The following SPATS2 variants were observed in gnomAD, a reference collection of about 807,000 sequenced individuals.
The protein encoded by SPATS2 is spermatogenesis associated serine rich 2, also known as spermatogenesis-associated serine-rich protein 2.
In SPATS2, 38 loss-of-function variants were observed where a neutral mutation model predicts 63.7. The ratio of observed to expected loss-of-function variants is 0.60; its 90% CI spans 0.46 to 0.78. SPATS2 has a LOEUF of 0.78. Ranked by LOEUF, SPATS2 falls within the 30% of genes least tolerant of loss-of-function variation. SPATS2 has a pLI of 0.00. For missense variants in SPATS2, 588 were observed against 666.2 expected (o/e 0.88, Z 1.29); for synonymous variants, 207 against 232.9 (o/e 0.89, Z 1.01).
intron 3 of SPATS2, among the ~76,000 whole-genome samples, chr12:49,465,364 G>A (rs979005512): frequency 7.1e-6 from 1 of 140,568 alleles, no homozygotes; most frequent in Non-Finnish European, 1.5e-5. Flanking sequence ...GGTATGGTCA[G>A]TCTTTTTTTT....
At chr12:49,503,626 G>A (rs964756128) in intron 9 of SPATS2, among the ~76,000 whole-genome samples, 2 of 150,700 alleles carry the variant, frequency 1.3e-5, no homozygotes, top group Non-Finnish European at 1.5e-5. Flanking sequence ...TCCATCCTGG[G>A]CGACAGAGCA....
intron 10 of SPATS2, among the ~76,000 whole-genome samples, chr12:49,516,301 A>G (rs1411221085): frequency 6.7e-6 from 1 of 149,018 alleles, no homozygotes; most frequent in East Asian, 1.9e-4. Flanking sequence ...TCGAGGCTGC[A>G]GTGAGCTGTG....
chr12:49,481,942 A>G (rs144295762), intron 3 of SPATS2, among the ~76,000 whole-genome samples: 7 of 152,296 alleles, frequency 4.6e-5, no homozygotes, highest in East Asian at 1.9e-4. Context: ...TTTCTTACCA[A>G]TAGAATTAGG....
chr12:49,435,131 C>T (rs149834541), intron 2 of SPATS2, among the ~76,000 whole-genome samples: 276 of 150,142 alleles, frequency 1.8e-3, no homozygotes, highest in African/African-American at 6.6e-3. Context: ...CCCGGGTTCA[C>T]GCCATTCTCC....
At chr12:49,409,621 A>G (rs1271774504) in intron 2 of SPATS2, among the ~76,000 whole-genome samples, 1 of 76,626 alleles carries the variant, frequency 1.3e-5, no homozygotes, top group Non-Finnish European at 2.4e-5. Context: ...TTTTTTTTTC[A>G]GATGGAGTCT....
chr12:49,388,416 C>T (rs917423536), intron 2 of SPATS2, among the ~76,000 whole-genome samples: 41 of 151,744 alleles, frequency 2.7e-4, no homozygotes, highest in Admixed American at 1.7e-3. Flanking sequence ...CTCTGTCACC[C>T]TGGCTGGAGT....
At chr12:49,398,054 T>C (rs1328024698) in intron 2 of SPATS2, among the ~76,000 whole-genome samples, 1 of 143,916 alleles carries the variant, frequency 6.9e-6, no homozygotes, top group Non-Finnish European at 1.5e-5. Flanking sequence ...GGTGTGAGGA[T>C]TGCTTGGGCC....
chr12:49,424,789 C>G (rs2137440027), intron 2 of SPATS2, among the ~76,000 whole-genome samples: 1 of 152,286 alleles, frequency 6.6e-6, no homozygotes. Context: ...AAGTGATTCT[C>G]CTGCCTCAGC....
intron 2 of SPATS2, among the ~76,000 whole-genome samples, chr12:49,376,653 T>A (rs1465800324): frequency 6.6e-6 from 1 of 151,338 alleles, no homozygotes; most frequent in Non-Finnish European, 1.5e-5. Context: ...GGCTTTGGCC[T>A]CTCAAAGTGC....
At chr12:49,486,237 C>G (rs1946290681) in intron 4 of SPATS2, 1 of 453,048 alleles carries the variant, frequency 2.2e-6, no homozygotes, top group Non-Finnish European at 4.4e-6. Context: ...TGGAATTTCA[C>G]TCTGTCGTCC....
intron 2 of SPATS2, among the ~76,000 whole-genome samples, chr12:49,388,393 T>C (rs1383383576): frequency 6.6e-6 from 1 of 151,876 alleles, no homozygotes; most frequent in Non-Finnish European, 1.5e-5. Context: ...TTTTTTCCCC[T>C]GACAGGGTCT....
intron 2 of SPATS2, among the ~76,000 whole-genome samples, chr12:49,400,566 G>T (rs1944588043): frequency 6.6e-6 from 1 of 152,148 alleles, no homozygotes; most frequent in African/African-American, 2.4e-5. Flanking sequence ...GGAGGAGTTG[G>T]CTGTAGATAG....
chr12:49,518,054 A>T (rs1946879849), intron 10 of SPATS2, among the ~76,000 whole-genome samples: 1 of 152,216 alleles, frequency 6.6e-6, no homozygotes, highest in Non-Finnish European at 1.5e-5. Flanking sequence ...CTGAAAGGCC[A>T]GGTCTTCAGA....
chr12:49,435,310 G>T (rs1339860773), intron 2 of SPATS2, among the ~76,000 whole-genome samples: 1 of 151,572 alleles, frequency 6.6e-6, no homozygotes, highest in Non-Finnish European at 1.5e-5. Context: ...GATTACAGGC[G>T]TGAGCCACTG....
intron 6 of SPATS2, among the ~76,000 whole-genome samples, chr12:49,491,671 A>G (rs1422149880): frequency 6.6e-6 from 1 of 152,210 alleles, no homozygotes; most frequent in Non-Finnish European, 1.5e-5. Context: ...TGGCATTGTG[A>G]CTGATATTGC....
chr12:49,444,554 T>G (rs2137571077), intron 2 of SPATS2, among the ~76,000 whole-genome samples: 1 of 152,122 alleles, frequency 6.6e-6, no homozygotes, highest in South Asian at 2.1e-4. Context: ...TAATTTTTTG[T>G]TAATTTTATT....
intron 3 of SPATS2, among the ~76,000 whole-genome samples, chr12:49,465,258 A>G (rs993254955): frequency 6.6e-6 from 1 of 152,200 alleles, no homozygotes; most frequent in Admixed American, 6.5e-5. Context: ...TTTGTAAGAA[A>G]CTTCCAGACT....
intron 7 of SPATS2, 66 bp downstream of exon 7, chr12:49,495,068 A>G: frequency 7.0e-7 from 1 of 1,423,012 alleles, no homozygotes; most frequent in Non-Finnish European, 9.3e-7. Flanking sequence ...CCTCGTTGAG[A>G]AAGTGATCAA....
At chr12:49,423,567 T>G (rs1945021419) in intron 2 of SPATS2, among the ~76,000 whole-genome samples, 1 of 152,190 alleles carries the variant, frequency 6.6e-6, no homozygotes, top group South Asian at 2.1e-4. Flanking sequence ...TCCATGAAAC[T>G]GAAAGAGCAT....
Sources: allele counts gnomAD v4.1 joint callset (sites outside exome capture counted in the v4.1 genomes callset), GRCh38; gene constraint gnomAD v4.1.1; transcripts MANE v1.5; gene names NCBI Gene and HGNC (gene_info 2026-07-23, HGNC 2026-07-21).